The following COL5A2 variants were observed in gnomAD, a reference collection of about 807,000 sequenced individuals.
COL5A2 encodes collagen alpha-2(V) chain.
In COL5A2, 23 loss-of-function variants were observed where a neutral mutation model predicts 208.2. The ratio of observed to expected loss-of-function variants is 0.11; its 90% CI spans 0.08 to 0.16. COL5A2 has a LOEUF of 0.16. Ranked by LOEUF, COL5A2 falls within the 10% of genes least tolerant of loss-of-function variation. COL5A2 has a pLI of 1.00. For synonymous variants in COL5A2, 625 were observed against 628.5 expected (o/e 0.99, Z 0.08); for missense variants, 1,590 against 1,956.4 (o/e 0.81, Z 3.53).
the COL5A2 span, among the ~76,000 whole-genome samples, chr2:189,393,824 G>C: frequency 6.6e-6 from 1 of 152,232 alleles, no homozygotes; most frequent in Admixed American, 6.5e-5. Context: ...ATATTTCCTA[G>C]TTACAGTAGC....
chr2:189,120,641 T>C (rs1207694169), intron 1 of COL5A2, among the ~76,000 whole-genome samples: 2 of 152,196 alleles, frequency 1.3e-5, no homozygotes, highest in African/African-American at 2.4e-5. Context: ...TATTTGATAA[T>C]GAAACATATT....
chr2:189,386,966 A>G, the COL5A2 span, among the ~76,000 whole-genome samples: 1 of 152,154 alleles, frequency 6.6e-6, no homozygotes, highest in African/African-American at 2.4e-5. Context: ...ATTACTGAGT[A>G]TATACCCAAA....
the COL5A2 span, among the ~76,000 whole-genome samples, chr2:189,241,130 A>G: frequency 6.6e-6 from 1 of 152,226 alleles, no homozygotes; most frequent in African/African-American, 2.4e-5. Flanking sequence ...CATCAGATAT[A>G]ATCAACAGAC....
intron 47 of COL5A2, among the ~76,000 whole-genome samples, chr2:189,044,532 T>G (rs1159918063): frequency 2.0e-5 from 3 of 152,192 alleles, no homozygotes; most frequent in African/African-American, 7.2e-5. Flanking sequence ...CACTGTTCAC[T>G]TGACATGCTA....
At chr2:189,282,497 G>A in the COL5A2 span, among the ~76,000 whole-genome samples, 1 of 152,150 alleles carries the variant, frequency 6.6e-6, no homozygotes, top group Non-Finnish European at 1.5e-5. Context: ...CTTCTCTGAT[G>A]CAGTCACTTG....
intron 1 of COL5A2, among the ~76,000 whole-genome samples, chr2:189,172,876 T>G (rs1168725121): frequency 2.0e-5 from 3 of 151,906 alleles, no homozygotes; most frequent in East Asian, 1.9e-4. Flanking sequence ...CATGTAAACA[T>G]TTTTGAGTTT....
chr2:189,384,460 A>G, the COL5A2 span, among the ~76,000 whole-genome samples: 1 of 152,238 alleles, frequency 6.6e-6, no homozygotes, highest in South Asian at 2.1e-4. Flanking sequence ...AACTAGGATG[A>G]GATAATATCT....
At chr2:189,290,506 A>G in the COL5A2 span, among the ~76,000 whole-genome samples, 94 of 152,306 alleles carry the variant, frequency 6.2e-4, no homozygotes, top group Middle Eastern at 3.4e-3. Context: ...GAAGACGTAA[A>G]TTATACATTG....
At chr2:189,281,137 CTA>C in the COL5A2 span, among the ~76,000 whole-genome samples, 1 of 151,978 alleles carries the variant, frequency 6.6e-6, no homozygotes, top group Non-Finnish European at 1.5e-5. Flanking sequence ...TTAAAAAATT[CTA>C]TGAGATTGTC....
In COL5A2 at chr2:189,092,035, T is replaced by C. The variant is rs72906316; in HGVS notation, c.567+275A>G. 0.13 allele frequency among the ~76,000 whole-genome samples: 20,157 copies of C among 152,122 alleles called. 1,363 individuals carry two copies. The highest frequency in any genetic ancestry group is 0.19 in the Middle Eastern group (56 of 294). ...AAAGAGGGGGAAAGCAGTGGTTCTT[T>C]AGAATCAATAGAAAAAACAAAGCAC... On this transcript the variant is annotated intron_variant, in intron 7 of 53. Coordinates refer to ENST00000374866, the MANE Select transcript of COL5A2 (RefSeq NM_000393.5).
chr2:189,075,765 A>T (rs1686391049), intron 16 of COL5A2, among the ~76,000 whole-genome samples: 1 of 152,216 alleles, frequency 6.6e-6, no homozygotes, highest in Non-Finnish European at 1.5e-5. Context: ...CAGTATTCTT[A>T]ATAGCCAGAT....
At chr2:189,157,672 G>C (rs923307388) in intron 1 of COL5A2, among the ~76,000 whole-genome samples, 4 of 151,974 alleles carry the variant, frequency 2.6e-5, no homozygotes, top group Non-Finnish European at 5.9e-5. Context: ...AAAATAAAAT[G>C]TGGGCTAATT....
chr2:189,301,139 A>T, the COL5A2 span, among the ~76,000 whole-genome samples: 3 of 152,042 alleles, frequency 2.0e-5, no homozygotes, highest in African/African-American at 7.2e-5. Flanking sequence ...GTGAGCCATG[A>T]TCATGCCACT....
At chr2:189,109,555 T>C (rs934144410) in intron 2 of COL5A2, among the ~76,000 whole-genome samples, 11 of 152,194 alleles carry the variant, frequency 7.2e-5, no homozygotes, top group Non-Finnish European at 1.5e-4. Context: ...AATATTGCTC[T>C]TACCTTGTTT....
chr2:189,304,080 C>T, the COL5A2 span, among the ~76,000 whole-genome samples: 129,533 of 152,120 alleles, frequency 0.85, 56,368 homozygotes, highest in Non-Finnish European at 0.95. Context: ...ATTTTAAGGC[C>T]TGTATGTATG....
At chr2:189,108,601 C>T (rs1160004313) in intron 2 of COL5A2, among the ~76,000 whole-genome samples, 6 of 151,734 alleles carry the variant, frequency 4.0e-5, no homozygotes, top group African/African-American at 1.5e-4. Flanking sequence ...TCTTTTAGGT[C>T]AATTTTTCAG....
intron 1 of COL5A2, among the ~76,000 whole-genome samples, chr2:189,133,968 G>C (rs960350406): frequency 2.0e-5 from 3 of 151,958 alleles, no homozygotes; most frequent in African/African-American, 7.3e-5. Context: ...GTCCAGGGAG[G>C]ACACAGCCAT....
intron 1 of COL5A2, among the ~76,000 whole-genome samples, chr2:189,210,926 A>G (rs1319650603): frequency 6.6e-6 from 1 of 152,200 alleles, no homozygotes; most frequent in Non-Finnish European, 1.5e-5. Context: ...TTCCTGGCCA[A>G]TGACTGCTAA....
chr2:189,308,163 T>C, the COL5A2 span, among the ~76,000 whole-genome samples: 8 of 151,450 alleles, frequency 5.3e-5, no homozygotes, highest in Non-Finnish European at 1.0e-4. Context: ...TCATGGAAAA[T>C]CTCATGTGTA....
Sources: gnomAD v4.1 joint callset for allele counts (sites outside exome capture counted in the v4.1 genomes callset) on GRCh38, gnomAD v4.1.1 for gene constraint, MANE v1.5 for transcripts, NCBI Gene and HGNC (gene_info 2026-07-23, HGNC 2026-07-21) for gene names.